Variants in LRRTM3 observed in about 807,000 individuals in gnomAD.
LRRTM3 encodes leucine rich repeat transmembrane neuronal 3.
A neutral mutation model predicts 44.7 loss-of-function variants in LRRTM3; 24 were observed. The observed-to-expected ratio is 0.54, with a 90% CI of 0.39 to 0.76. LRRTM3 has a LOEUF of 0.76. Among genes scored for constraint, LRRTM3 ranks in the 30% least tolerant of loss-of-function variants. The pLI is 0.00. For missense variants in LRRTM3, 587 were observed against 702.2 expected (o/e 0.84, Z 1.85); for synonymous variants, 277 against 278.7 (o/e 0.99, Z 0.06).
chr10:67,085,391 GA>G (rs944563252), intron 2 of LRRTM3, among the ~76,000 whole-genome samples: 14 of 147,258 alleles, frequency 9.5e-5, no homozygotes, highest in South Asian at 2.1e-4. Flanking sequence ...ATGCAACTGT[GA>G]AAAAAAAAAT....
chr10:67,027,583 C>T (rs1853471231), intron 2 of LRRTM3, among the ~76,000 whole-genome samples: 2 of 151,730 alleles, frequency 1.3e-5, no homozygotes, highest in African/African-American at 2.4e-5. Flanking sequence ...TAAACATGTG[C>T]GCCACCATGC....
chr10:66,927,958 G>A lies in LRRTM3; in HGVS notation c.1042G>A (p.Gly348Arg). 6.2e-7 allele frequency: 1 copy of A among 1,614,254 alleles called. No homozygotes were observed. The highest frequency in any genetic ancestry group is 8.5e-7 in the Non-Finnish European group (1 of 1,180,046). ...IICASPKELQ[G>R]VNVIDAVKNY... ...CTGTGCCAGTCCCAAAGAGCTGCAA[G>A]GAGTAAATGTGATCGATGCAGTGAA... The change falls in exon 2 of 3, where the codon GGA becomes AGA. Residue 348 changes from glycine to arginine, a missense_variant. This residue lies in a region of LRRTM3 where 315 missense variants were observed against 335.6 expected (regional missense o/e 0.94). Transcript: ENST00000361320. The surrounding 1 kb of genome is among the most constrained non-coding windows in gnomAD (Gnocchi z 4.7).
chr10:67,045,859 T>C (rs200859870), intron 2 of LRRTM3, among the ~76,000 whole-genome samples: 1 of 152,176 alleles, frequency 6.6e-6, no homozygotes, highest in East Asian at 1.9e-4. Flanking sequence ...CACAGTGACT[T>C]TTCCTTTAAC....
chr10:66,937,620 T>C (rs1393255897), intron 2 of LRRTM3, among the ~76,000 whole-genome samples: 1 of 152,164 alleles, frequency 6.6e-6, no homozygotes, highest in African/African-American at 2.4e-5. Flanking sequence ...TGAAGAGTGA[T>C]GGTAGTACAT....
chr10:67,081,554 C>T (rs978778365), intron 2 of LRRTM3, among the ~76,000 whole-genome samples: 1 of 152,134 alleles, frequency 6.6e-6, no homozygotes, highest in African/African-American at 2.4e-5. Flanking sequence ...CCATTGTTTC[C>T]AACCCTATTG....
intron 2 of LRRTM3, among the ~76,000 whole-genome samples, chr10:67,074,259 C>T (rs1287332378): frequency 2.7e-5 from 4 of 150,354 alleles, no homozygotes; most frequent in Non-Finnish European, 4.4e-5. Context: ...CTTGATCTCT[C>T]GACCTCATGA....
At chr10:67,079,082 A>C (rs765244429) in intron 2 of LRRTM3, among the ~76,000 whole-genome samples, 4 of 152,242 alleles carry the variant, frequency 2.6e-5, no homozygotes, top group Non-Finnish European at 5.9e-5. Context: ...ATAATTCATA[A>C]TATCTGGGAG....
chr10:67,011,116 T>C (rs1490385357), intron 2 of LRRTM3, among the ~76,000 whole-genome samples: 1 of 152,022 alleles, frequency 6.6e-6, no homozygotes, highest in Non-Finnish European at 1.5e-5. Flanking sequence ...GATCACGAAG[T>C]CAAGGGGTCA....
intron 2 of LRRTM3, among the ~76,000 whole-genome samples, chr10:66,966,476 A>G (rs972844174): frequency 2.0e-5 from 2 of 98,116 alleles, no homozygotes; most frequent in Admixed American, 1.3e-4. Flanking sequence ...TAACTCGGCT[A>G]TGTAATATAT....
At chr10:66,967,343 TATAG>T (rs72083996) in intron 2 of LRRTM3, among the ~76,000 whole-genome samples, 35,295 of 150,816 alleles carry the variant, frequency 0.23, 4,563 homozygotes, top group Non-Finnish European at 0.31. Context: ...CATATATATA[TATAG>T]ATAGATAGAT....
In LRRTM3 at chr10:67,025,894, G is replaced by C. The variant is rs1056583641; in HGVS notation, c.1537-71693G>C. ...CAATGATAGACTGGATTAAGAAAAT[G>C]TGGCACATATACACCATGGAATACT... On this transcript the variant is annotated intron_variant, in intron 2 of 2. Coordinates refer to ENST00000361320, the MANE Select transcript of LRRTM3 (RefSeq NM_178011.5). Among the ~76,000 whole-genome samples, 39 of 138,094 alleles carry C rather than the reference G, an allele frequency of 2.8e-4. 1 individual carries two copies. Among genetic ancestry groups the C allele is most frequent in the Admixed American group, 2.5e-3 (34 of 13,370 alleles). 90.6% of individuals were successfully genotyped at this position (138,094 alleles called of 152,430 possible).
chr10:66,949,654 T>A (rs1175947379), intron 2 of LRRTM3, among the ~76,000 whole-genome samples: 1 of 152,150 alleles, frequency 6.6e-6, no homozygotes, highest in Non-Finnish European at 1.5e-5. Flanking sequence ...GGATTAAACA[T>A]GATTGGAGTA....
At chr10:67,045,744 G>GT (rs1205357531) in intron 2 of LRRTM3, among the ~76,000 whole-genome samples, 2 of 151,874 alleles carry the variant, frequency 1.3e-5, no homozygotes, top group African/African-American at 2.4e-5. Flanking sequence ...GCCCCCCTCT[G>GT]TTTTTTTTAA....
chr10:67,010,732 A>G (rs2133035464), intron 2 of LRRTM3, among the ~76,000 whole-genome samples: 1 of 152,350 alleles, frequency 6.6e-6, no homozygotes, highest in African/African-American at 2.4e-5. Flanking sequence ...CTTTCGACTC[A>G]GCCAACCAAC....
chr10:67,097,332 G>A (rs1192416640), intron 2 of LRRTM3, among the ~76,000 whole-genome samples: 2 of 151,828 alleles, frequency 1.3e-5, no homozygotes, highest in African/African-American at 4.8e-5. Flanking sequence ...ATCATTTTCA[G>A]AACCATGTAG....
At chr10:66,978,552 A>ATATATATAT (rs1197845049) in intron 2 of LRRTM3, among the ~76,000 whole-genome samples, 16 of 37,872 alleles carry the variant, frequency 4.2e-4, no homozygotes, top group African/African-American at 8.7e-4. Context: ...AAAAAAAAAA[A>ATATATATAT]ATATATATAT....
intron 2 of LRRTM3, among the ~76,000 whole-genome samples, chr10:67,056,907 G>A (rs1021557025): frequency 6.6e-5 from 10 of 152,242 alleles, no homozygotes; most frequent in African/African-American, 1.9e-4. Flanking sequence ...TTATGTGGTG[G>A]CCTGAGTGAA....
chr10:66,988,227 C>A (rs2132919445), intron 2 of LRRTM3, among the ~76,000 whole-genome samples: 1 of 152,010 alleles, frequency 6.6e-6, no homozygotes, highest in Admixed American at 6.6e-5. Context: ...AAAATGATCC[C>A]CAAAATAATA....
intron 2 of LRRTM3, among the ~76,000 whole-genome samples, chr10:67,050,165 A>T (rs150396456): frequency 6.6e-6 from 1 of 152,332 alleles, no homozygotes; most frequent in East Asian, 1.9e-4. Flanking sequence ...CACATAGTGC[A>T]TGCAGAATGC....
Sources: gnomAD v4.1 joint callset for allele counts (sites outside exome capture counted in the v4.1 genomes callset) on GRCh38, gnomAD v4.1.1 for gene constraint, gnomAD v4.1.1 regional missense constraint, Gnocchi (gnomAD v3.1) non-coding constraint, MANE v1.5 for transcripts, NCBI Gene and HGNC (gene_info 2026-07-23, HGNC 2026-07-21) for gene names.